The following PRPSAP2 variants were observed in gnomAD, a reference collection of about 807,000 sequenced individuals.
The protein encoded by PRPSAP2 is phosphoribosyl pyrophosphate synthase-associated protein 2.
Under a neutral mutation model 40.6 loss-of-function variants are expected in PRPSAP2, and 24 were observed. That is an observed-to-expected ratio of 0.59 (90% CI 0.43 to 0.83). The LOEUF (loss-of-function observed/expected upper bound fraction) is 0.83. Among genes scored for constraint, PRPSAP2 ranks in the 40% least tolerant of loss-of-function variants. The pLI is 0.00. For missense variants in PRPSAP2, 292 were observed against 465.6 expected (o/e 0.63, Z 3.43); for synonymous variants, 149 against 164.7 (o/e 0.90, Z 0.73).
At chr17:18,881,484 C>T (rs1373844334) in intron 6 of PRPSAP2, among the ~76,000 whole-genome samples, 6 of 150,488 alleles carry the variant, frequency 4.0e-5, no homozygotes, top group Admixed American at 6.6e-5. Context: ...GTGATCCACC[C>T]GCCTCGGCCT....
chr17:18,896,982 C>T lies in PRPSAP2; in HGVS notation c.584+7105C>T, dbSNP rs117642017. Among the ~76,000 whole-genome samples the T allele has an allele frequency of 2.3e-4, 35 of 152,164 alleles. No homozygotes were observed. In the East Asian group the frequency reaches 4.6e-3, roughly 20 times the overall value. ...CACACACAGTTTCTTTTTTTTGAGA[C>T]AGGGTCTCACTCTGATGCCCAGGCT... On this transcript the variant is annotated intron_variant, in intron 8 of 11. Coordinates refer to ENST00000268835, the MANE Select transcript of PRPSAP2 (RefSeq NM_002767.4).
At position 18,925,902 on chromosome 17, in the gene PRPSAP2, G is replaced by A. The variant is rs188051320; in HGVS notation, c.804+1918G>A. Reference sequence around the variant, plus strand: ...CGAGACGGGTGTAGGTCAGGAGATCGAGACCATCCTGGCTAACACGGTGAA... The same window carrying A: ...CGAGACGGGTGTAGGTCAGGAGATCAAGACCATCCTGGCTAACACGGTGAA... On this transcript the variant is annotated intron_variant, in intron 10 of 11. Coordinates refer to ENST00000268835, the MANE Select transcript of PRPSAP2 (RefSeq NM_002767.4). Among the ~76,000 whole-genome samples the A allele has an allele frequency of 6.3e-4, 96 of 152,170 alleles. 2 individuals are homozygous for A. In the East Asian group the frequency reaches 0.017, roughly 27 times the overall value.
intron 8 of PRPSAP2, chr17:18,908,639 A>G: frequency 2.8e-6 from 2 of 721,018 alleles, no homozygotes; most frequent in Non-Finnish European, 5.2e-6. Flanking sequence ...TGGAACACCC[A>G]CGCCGACTTC....
intron 1 of PRPSAP2, among the ~76,000 whole-genome samples, chr17:18,859,147 G>A (rs1426960849): frequency 6.6e-6 from 1 of 152,106 alleles, no homozygotes; most frequent in Non-Finnish European, 1.5e-5. Context: ...AAAGTCTTAT[G>A]TTGACCACCA....
At chr17:18,909,611 A>G (rs1033463997) in intron 8 of PRPSAP2, among the ~76,000 whole-genome samples, 5 of 151,712 alleles carry the variant, frequency 3.3e-5, no homozygotes, top group Non-Finnish European at 7.4e-5. Flanking sequence ...ACTCTTAGGA[A>G]TTTATCAGGA....
chr17:18,865,953 G>C lies in PRPSAP2; in HGVS notation c.119+1G>C. 2 of 1,433,160 alleles carry C rather than the reference G, an allele frequency of 1.4e-6. No homozygotes were observed. The highest frequency in any genetic ancestry group is 1.9e-6 in the Non-Finnish European group (2 of 1,075,252). 88.8% of individuals were successfully genotyped at this position (1,433,160 alleles called of 1,614,324 possible). A position where few individuals can be genotyped will look rare whatever the true frequency, so the allele number is the denominator to read the frequency against. ...TGGAGCTATCAAAGAAAATTGCAGA[G>C]TGAGTTATAATTGTACCATTAAAAT... is the stretch of plus-strand genomic sequence containing the variant. On this transcript the variant is annotated splice_donor_variant, in intron 3 of 11. Coordinates refer to ENST00000268835, the MANE Select transcript of PRPSAP2 (RefSeq NM_002767.4). LOFTEE classifies it high-confidence loss of function.
chr17:18,910,870 C>G (rs1223293566), intron 8 of PRPSAP2, among the ~76,000 whole-genome samples: 3 of 152,166 alleles, frequency 2.0e-5, no homozygotes, highest in Non-Finnish European at 4.4e-5. Context: ...GGCTTGCAGA[C>G]CAGGCCAGGC....
At chr17:18,857,072 G>A (rs2151863943), upstream of PRPSAP2, among the ~76,000 whole-genome samples, 1 of 152,230 alleles carries the variant, frequency 6.6e-6, no homozygotes, top group South Asian at 2.1e-4. Context: ...GATGGCTCAC[G>A]CCTGTAACCC....
In PRPSAP2 at chr17:18,930,520, T is replaced by G. The variant is rs1284873190; in HGVS notation, c.952-20T>G. The G allele has an allele frequency of 2.5e-6, 4 of 1,604,578 alleles. No individual in the cohort carries two copies. The East Asian group carries it at 8.9e-5, about 36-fold the overall frequency. Reference sequence around the variant, plus strand: ...TACTTGGCTTTCTGATGCTGTGGTTTTTTTTCTTTTGCTTCACAGGTGGTG... The same window carrying G: ...TACTTGGCTTTCTGATGCTGTGGTTGTTTTTCTTTTGCTTCACAGGTGGTG... On this transcript the variant is annotated intron_variant, in intron 11 of 11. Coordinates refer to ENST00000268835, the MANE Select transcript of PRPSAP2 (RefSeq NM_002767.4).
chr17:18,876,052 G>T (rs1395994615), intron 5 of PRPSAP2, among the ~76,000 whole-genome samples: 1 of 152,166 alleles, frequency 6.6e-6, no homozygotes. Context: ...AGAATTGCTT[G>T]ATCCTGGGAG....
At chr17:18,868,169 G>T (rs1252797725) in intron 4 of PRPSAP2, among the ~76,000 whole-genome samples, 2 of 151,840 alleles carry the variant, frequency 1.3e-5, no homozygotes, top group East Asian at 3.9e-4. Context: ...CTTTAGCAAT[G>T]GTGGATATTT....
At chr17:18,878,658 A>C (rs1390088581) in intron 6 of PRPSAP2, among the ~76,000 whole-genome samples, 1 of 151,894 alleles carries the variant, frequency 6.6e-6, no homozygotes, top group Non-Finnish European at 1.5e-5. Context: ...CCCCGGTTCA[A>C]GCGATTCTCC....
intron 1 of PRPSAP2, among the ~76,000 whole-genome samples, chr17:18,863,528 C>T (rs1057205988): frequency 4.1e-5 from 2 of 48,216 alleles, no homozygotes; most frequent in African/African-American, 1.4e-4. Context: ...TTCTTCTTCT[C>T]TTTTCTTTTC....
In PRPSAP2 at chr17:18,877,741, G is replaced by T; in HGVS notation, c.283G>T (p.Ala95Ser). 6.2e-7 allele frequency: 1 copy of T among 1,613,738 alleles called. No homozygotes were observed. Among genetic ancestry groups the T allele is most frequent in the Non-Finnish European group, 8.5e-7 (1 of 1,179,912 alleles). The part of the protein sequence containing the change: ...TIMELLIMVY[A>S]CKTSCAKSII... ...CATGGAGCTCCTGATCATGGTGTAT[G>T]CATGTAAGACCTCTTGTGCCAAGAG... Residue 95 changes from alanine to serine, a missense_variant, in exon 6 of 12, where the codon GCA becomes TCA. Coordinates refer to ENST00000268835, the MANE Select transcript of PRPSAP2 (RefSeq NM_002767.4).
chr17:18,870,385 C>T (rs886096168), intron 4 of PRPSAP2, among the ~76,000 whole-genome samples: 18 of 151,766 alleles, frequency 1.2e-4, no homozygotes, highest in Admixed American at 6.6e-5. Flanking sequence ...GGCAACAGGG[C>T]GAGATGTGTC....
intron 11 of PRPSAP2, among the ~76,000 whole-genome samples, chr17:18,930,253 G>A (rs978538701): frequency 2.0e-5 from 3 of 152,090 alleles, no homozygotes; most frequent in Admixed American, 1.3e-4. Flanking sequence ...GGCGCCTGTC[G>A]TCCCAGCTTA....
At chr17:18,881,175 TAAA>T (rs35446593) in intron 6 of PRPSAP2, among the ~76,000 whole-genome samples, 1 of 145,606 alleles carries the variant, frequency 6.9e-6, no homozygotes, top group Non-Finnish European at 1.5e-5. Flanking sequence ...CTCACAGTAC[TAAA>T]AAAAAAAAAA....
chr17:18,925,186 A>G (rs779333519), intron 10 of PRPSAP2, among the ~76,000 whole-genome samples: 12 of 152,210 alleles, frequency 7.9e-5, no homozygotes, highest in Admixed American at 1.3e-4. Context: ...CCTTTCACAC[A>G]TCATAAGACC....
chr17:18,916,926 C>T (rs1278428281), intron 9 of PRPSAP2, among the ~76,000 whole-genome samples: 1 of 152,196 alleles, frequency 6.6e-6, no homozygotes, highest in Non-Finnish European at 1.5e-5. Context: ...ACTGTTAATA[C>T]TATCACATTG....
Sources: allele counts gnomAD v4.1 joint callset (sites outside exome capture counted in the v4.1 genomes callset), GRCh38; gene constraint gnomAD v4.1.1; transcripts MANE v1.5; gene names NCBI Gene and HGNC (gene_info 2026-07-23, HGNC 2026-07-21).